PCSK2: variants seen among roughly 807,000 people sequenced by gnomAD.
PCSK2 encodes the protein proprotein convertase subtilisin/kexin type 2.
In PCSK2, 14 loss-of-function variants were observed where a neutral mutation model predicts 69.7. The observed-to-expected ratio is 0.20, with a 90% confidence interval of 0.13 to 0.31. The LOEUF (loss-of-function observed/expected upper bound fraction) is 0.31, where lower values mean the gene tolerates loss of function less well. Ranked by LOEUF, PCSK2 falls within the 10% of genes least tolerant of loss-of-function variation. The probability of loss-of-function intolerance (pLI) is 1.00; values close to 1 mark genes in which losing one functional copy is unlikely to be tolerated. For synonymous variants in PCSK2, 307 were observed against 320.7 expected (o/e 0.96, Z 0.46); for missense variants, 544 against 842.5 (o/e 0.65, Z 4.39).
rs191278735 is a variant in PCSK2 at position 17,246,786 on chromosome 20, T to C, written c.178-13454T>C. ...AGAGCAGCTGTTGTTTCACTGATGA[T>C]AAATAATTCTGCTTGAAAAAAAAAA... is the stretch of plus-strand genomic sequence containing the variant. On this transcript the variant is annotated intron_variant, in intron 1 of 11. Transcript: ENST00000262545. Among the ~76,000 whole-genome samples the C allele has an allele frequency of 5.9e-5, 9 of 151,842 alleles. No individual in the cohort carries two copies. In the Middle Eastern group the frequency reaches 0.017, roughly 287 times the overall value.
intron 5 of PCSK2, among the ~76,000 whole-genome samples, chr20:17,385,008 G>T (rs1247812308): frequency 3.3e-5 from 5 of 152,196 alleles, no homozygotes; most frequent in African/African-American, 1.2e-4. Context: ...TAACGTAAGG[G>T]TTGGCTAACT....
intron 2 of PCSK2, among the ~76,000 whole-genome samples, chr20:17,341,566 A>C (rs1913726548): frequency 6.6e-6 from 1 of 152,208 alleles, no homozygotes; most frequent in Non-Finnish European, 1.5e-5. Flanking sequence ...GGACCGTCAA[A>C]TGTGTTTATC....
At chr20:17,449,545 T>TATATATATATATATGTATGTATGTA (rs1394693452) in intron 8 of PCSK2, among the ~76,000 whole-genome samples, 2 of 149,810 alleles carry the variant, frequency 1.3e-5, no homozygotes, top group Admixed American at 6.6e-5. Flanking sequence ...TATATGTATA[T>TATATATATATATATGTATGTATGTA]TTGAGACTGA....
intron 5 of PCSK2, among the ~76,000 whole-genome samples, chr20:17,408,729 T>G (rs962656603): frequency 2.0e-5 from 3 of 152,176 alleles, no homozygotes; most frequent in Non-Finnish European, 4.4e-5. Flanking sequence ...ATAAATAAGG[T>G]CAATTGTGGA....
At chr20:17,403,541 T>C (rs2031690081) in intron 5 of PCSK2, among the ~76,000 whole-genome samples, 1 of 152,214 alleles carries the variant, frequency 6.6e-6, no homozygotes, top group South Asian at 2.1e-4. Context: ...GGCAATATGG[T>C]TGCAGTTTGA....
intron 5 of PCSK2, among the ~76,000 whole-genome samples, chr20:17,391,798 G>C (rs184261561): frequency 1.3e-5 from 2 of 152,162 alleles, no homozygotes; most frequent in African/African-American, 4.8e-5. Flanking sequence ...TTGAGTCCAG[G>C]AGATCAAGGC....
At chr20:17,289,536 T>G (rs1225651411) in intron 2 of PCSK2, among the ~76,000 whole-genome samples, 2 of 152,182 alleles carry the variant, frequency 1.3e-5, no homozygotes, top group Non-Finnish European at 2.9e-5. Context: ...CTGAAAATAG[T>G]AACTATTTAA....
intron 11 of PCSK2, among the ~76,000 whole-genome samples, chr20:17,476,286 A>T (rs1019920466): frequency 1.3e-5 from 2 of 152,230 alleles, no homozygotes; most frequent in Non-Finnish European, 2.9e-5. Context: ...ATTCAAATTC[A>T]ACATACATAA....
chr20:17,273,712 C>T (rs1400769358), intron 2 of PCSK2, among the ~76,000 whole-genome samples: 5 of 152,158 alleles, frequency 3.3e-5, no homozygotes, highest in Non-Finnish European at 1.5e-5. Context: ...TTAGGATAAA[C>T]TAGATTACGC....
chr20:17,398,088 A>G (rs2031553539), intron 5 of PCSK2, among the ~76,000 whole-genome samples: 1 of 152,208 alleles, frequency 6.6e-6, no homozygotes, highest in African/African-American at 2.4e-5. Context: ...TCGATGGTTT[A>G]TCAAAATCAA....
intron 6 of PCSK2, 91 bp downstream of exon 6, chr20:17,409,430 A>G: frequency 1.2e-6 from 1 of 821,876 alleles, no homozygotes; most frequent in Non-Finnish European, 2.1e-6. Context: ...CACCAGCAAA[A>G]TAATCCCCAT....
chr20:17,255,531 C>T lies in PCSK2; in HGVS notation c.178-4709C>T, dbSNP rs538776422. ...TAATTTTTTGCATTTTTAGTAGAGA[C>T]GAGGTTTCACTATGTTAGCCAGGAA... On this transcript the variant is annotated intron_variant, in intron 1 of 11. Coordinates refer to ENST00000262545, the MANE Select transcript of PCSK2 (RefSeq NM_002594.5). Among the ~76,000 whole-genome samples the T allele has an allele frequency of 7.2e-5, 11 of 152,100 alleles. No homozygotes were observed. In the East Asian group the frequency reaches 1.4e-3, roughly 19 times the overall value.
Position 17,272,316 on chromosome 20 carries a change from A to G in PCSK2, c.282+11972A>G, listed in dbSNP as rs540969367. ...CCCACATTTTAAAAGCTATTCTTCTATTAGCACATCTTAAAATCATTTTAG... is the reference window on the plus strand; with the variant it reads ...CCCACATTTTAAAAGCTATTCTTCTGTTAGCACATCTTAAAATCATTTTAG... On this transcript the variant is annotated intron_variant, in intron 2 of 11. Transcript: ENST00000262545. Among the ~76,000 whole-genome samples the G allele has an allele frequency of 1.3e-4, 20 of 152,208 alleles. No homozygotes were observed. The East Asian group carries it at 3.5e-3, about 27-fold the overall frequency.
In PCSK2 at chr20:17,299,222, G is replaced by A. The variant is rs1172760233; in HGVS notation, c.282+38878G>A. ...TTTTAAGCCATGAGGATTTATTTTG[G>A]TGTTTGAAAATACCCTCAAATTGTT... On this transcript the variant is annotated intron_variant, in intron 2 of 11. Coordinates refer to ENST00000262545, the MANE Select transcript of PCSK2 (RefSeq NM_002594.5). Among the ~76,000 whole-genome samples, 5 of 151,918 alleles carry A rather than the reference G, an allele frequency of 3.3e-5. No homozygotes were observed. In the East Asian group the frequency reaches 9.7e-4, roughly 29 times the overall value.
At chr20:17,244,514 C>T (rs1986700718) in intron 1 of PCSK2, among the ~76,000 whole-genome samples, 1 of 152,170 alleles carries the variant, frequency 6.6e-6, no homozygotes, top group Non-Finnish European at 1.5e-5. Context: ...TAGATAAGAT[C>T]CACTCAAATC....
At chr20:17,369,377 T>G in intron 5 of PCSK2, 100 bp downstream of exon 5, 1 of 905,058 alleles carries the variant, frequency 1.1e-6, no homozygotes, top group South Asian at 1.4e-5. Context: ...TCTATACACA[T>G]GCATGCAAGT....
At chr20:17,304,654 C>T (rs181279821) in intron 2 of PCSK2, among the ~76,000 whole-genome samples, 1 of 152,168 alleles carries the variant, frequency 6.6e-6, no homozygotes, top group Non-Finnish European at 1.5e-5. Flanking sequence ...AATCTGTGAG[C>T]CTGATGGGAT....
chr20:17,268,060 T>TATATATATATATATATAA (rs1395373344), intron 2 of PCSK2, among the ~76,000 whole-genome samples: 5 of 146,228 alleles, frequency 3.4e-5, no homozygotes, highest in African/African-American at 1.3e-4. Flanking sequence ...TATATATATA[T>TATATATATATATATATAA]ATAATGCATT....
intron 8 of PCSK2, among the ~76,000 whole-genome samples, chr20:17,437,516 A>T (rs6075210): frequency 0.35 from 53,487 of 152,012 alleles, 9,902 homozygotes; most frequent in South Asian, 0.57. Flanking sequence ...CAGAGGAGAC[A>T]TGACCCCAGG....
Sources: gnomAD v4.1 joint callset for allele counts (sites outside exome capture counted in the v4.1 genomes callset) on GRCh38, gnomAD v4.1.1 for gene constraint, MANE v1.5 for transcripts, NCBI Gene and HGNC (gene_info 2026-07-23, HGNC 2026-07-21) for gene names.